CIMIP6: variants seen among roughly 807,000 people sequenced by gnomAD.
The protein encoded by CIMIP6 is ciliary microtubule inner protein 6.
At chr2:54,332,049 A>C in the CIMIP6 span, among the ~76,000 whole-genome samples, 9 of 152,184 alleles carry the variant, frequency 5.9e-5, no homozygotes, top group Non-Finnish European at 8.8e-5. Flanking sequence ...AATTGATGCC[A>C]ATGCTGCTAC....
the CIMIP6 span, among the ~76,000 whole-genome samples, chr2:54,359,374 A>G: frequency 2.5e-3 from 375 of 152,218 alleles, 2 homozygotes; most frequent in Non-Finnish European, 3.9e-3. Flanking sequence ...GGGTGACACA[A>G]TGAAACCTCA....
the CIMIP6 span, among the ~76,000 whole-genome samples, chr2:54,337,163 G>A: frequency 3.3e-5 from 5 of 152,200 alleles, no homozygotes; most frequent in African/African-American, 1.2e-4. Flanking sequence ...ATCTCTCTGT[G>A]TGTTAGGTAT....
the CIMIP6 span, among the ~76,000 whole-genome samples, chr2:54,364,835 A>G: frequency 6.6e-6 from 1 of 152,252 alleles, no homozygotes. Context: ...ATCATCCCGA[A>G]CACAGATAAA....
At chr2:54,354,533 T>C in the CIMIP6 span, among the ~76,000 whole-genome samples, 6 of 152,120 alleles carry the variant, frequency 3.9e-5, no homozygotes, top group Non-Finnish European at 8.8e-5. Flanking sequence ...TCTATAGAGA[T>C]CTTGTGAATG....
chr2:54,338,724 G>A, the CIMIP6 span, among the ~76,000 whole-genome samples: 2 of 75,166 alleles, frequency 2.7e-5, 1 homozygote, highest in East Asian at 4.7e-4. Context: ...GATGCAAGAC[G>A]AGATTGGTTG....
the CIMIP6 span, among the ~76,000 whole-genome samples, chr2:54,349,031 CTAATA>C: frequency 0.016 from 2,428 of 152,276 alleles, 61 homozygotes; most frequent in African/African-American, 0.056. Context: ...AAAGCCTAAT[CTAATA>C]TGTGAAGGGG....
the CIMIP6 span, chr2:54,360,809 C>A: frequency 2.8e-6 from 1 of 362,326 alleles, no homozygotes; most frequent in South Asian, 5.5e-5. Context: ...TTTTGCACAA[C>A]ACATGATCGT....
the CIMIP6 span, chr2:54,360,183 G>A: frequency 1.4e-5 from 22 of 1,528,024 alleles, no homozygotes; most frequent in South Asian, 1.3e-4. Flanking sequence ...GGTTAATGTC[G>A]ACTTTGTTTT....
chr2:54,364,819 G>A, the CIMIP6 span, among the ~76,000 whole-genome samples: 1 of 152,214 alleles, frequency 6.6e-6, no homozygotes, highest in East Asian at 1.9e-4. Context: ...GATGTTGGAA[G>A]CACCCATCAT....
At chr2:54,348,813 C>T in the CIMIP6 span, among the ~76,000 whole-genome samples, 1 of 152,156 alleles carries the variant, frequency 6.6e-6, no homozygotes, top group African/African-American at 2.4e-5. Context: ...TCTGTTCCAT[C>T]AGCCCACTTA....
chr2:54,357,697 C>T, the CIMIP6 span, among the ~76,000 whole-genome samples: 5 of 151,738 alleles, frequency 3.3e-5, no homozygotes, highest in African/African-American at 4.8e-5. Flanking sequence ...CAGCCTCACC[C>T]TCCTGAGTAG....
chr2:54,371,632 C>T, the CIMIP6 span, among the ~76,000 whole-genome samples: 1 of 152,214 alleles, frequency 6.6e-6, no homozygotes, highest in South Asian at 2.1e-4. Context: ...CCACATCTTG[C>T]TTCTAGTAAA....
chr2:54,360,181 T>C, the CIMIP6 span: 1 of 1,524,634 alleles, frequency 6.6e-7, no homozygotes, highest in South Asian at 1.3e-5. Context: ...CTGGTTAATG[T>C]CGACTTTGTT....
chr2:54,369,521 G>A, the CIMIP6 span, among the ~76,000 whole-genome samples: 1 of 152,162 alleles, frequency 6.6e-6, no homozygotes, highest in Non-Finnish European at 1.5e-5. Flanking sequence ...ATTTGAAAGT[G>A]CTTTAGAATT....
At chr2:54,359,788 A>T in the CIMIP6 span, among the ~76,000 whole-genome samples, 1 of 152,204 alleles carries the variant, frequency 6.6e-6, no homozygotes, top group Non-Finnish European at 1.5e-5. Context: ...ATTATTACTT[A>T]GCTTTTCATC....
chr2:54,358,401 ATT>A, the CIMIP6 span, among the ~76,000 whole-genome samples: 3 of 148,400 alleles, frequency 2.0e-5, no homozygotes, highest in African/African-American at 7.4e-5. Context: ...ATATCTAACA[ATT>A]TTTTTTTTTT....
chr2:54,379,976 TAAA>T, the CIMIP6 span, among the ~76,000 whole-genome samples: 32,709 of 136,564 alleles, frequency 0.24, 3,938 homozygotes, highest in East Asian at 0.49. Context: ...AAAGTCCTTC[TAAA>T]AAAAAAAAAA....
chr2:54,361,780 C>T, the CIMIP6 span, among the ~76,000 whole-genome samples: 89 of 152,224 alleles, frequency 5.8e-4, no homozygotes, highest in African/African-American at 2.0e-3. Context: ...GGTATGAAGA[C>T]AGGGAAGGGA....
chr2:54,374,297 A>G, the CIMIP6 span, among the ~76,000 whole-genome samples: 3 of 152,158 alleles, frequency 2.0e-5, no homozygotes, highest in Non-Finnish European at 1.5e-5. Context: ...TTTGTTCTTT[A>G]ATGAGATATT....
Sources: gnomAD v4.1 joint callset for allele counts (sites outside exome capture counted in the v4.1 genomes callset) on GRCh38, gnomAD v4.1.1 for gene constraint, MANE v1.5 for transcripts, NCBI Gene and HGNC (gene_info 2026-07-23, HGNC 2026-07-21) for gene names.